CSRNP1: variants seen among roughly 807,000 people sequenced by gnomAD.
CSRNP1 encodes the protein cysteine/serine-rich nuclear protein 1.
Under a neutral mutation model 25.0 loss-of-function variants are expected in CSRNP1, and 8 were observed. The observed-to-expected ratio is 0.32, with a 90% CI of 0.19 to 0.58. The LOEUF is 0.58. CSRNP1 is among the 20% of genes least tolerant of loss of function. The pLI is 0.88. For synonymous variants in CSRNP1, 305 were observed against 303.1 expected (o/e 1.01, Z -0.06); for missense variants, 691 against 773.1 (o/e 0.89, Z 1.26).
chr3:39,153,427 T>C lies in CSRNP1; in HGVS notation c.-41+11A>G. On this transcript the variant is annotated intron_variant, in intron 1 of 4. Transcript: ENST00000273153. The stretch of plus-strand genomic sequence containing the variant: ...CCCGTCCTGCCGGGCCCGAGGCCCC[T>C]CGGCGCTCACCTGCAATCCGGACGC... 3.2e-6 allele frequency: 1 copy of C among 311,444 alleles called. No homozygotes were observed. Among genetic ancestry groups the C allele is most frequent in the South Asian group, 2.1e-5 (1 of 47,980 alleles). The allele number at this position is 311,444 out of a possible 1,614,324, so 19.3% of individuals were successfully genotyped here. A position where few individuals can be genotyped will look rare whatever the true frequency, so the allele number is the denominator to read the frequency against.
At chr3:39,147,933 C>G (rs1277622873) in intron 1 of CSRNP1, among the ~76,000 whole-genome samples, 1 of 152,140 alleles carries the variant, frequency 6.6e-6, no homozygotes, top group African/African-American at 2.4e-5. Context: ...ACCCTTCCCC[C>G]ACTGCCATCA....
intron 2 of CSRNP1, among the ~76,000 whole-genome samples, chr3:39,145,974 G>C (rs1188609657): frequency 6.6e-6 from 1 of 152,194 alleles, no homozygotes; most frequent in South Asian, 2.1e-4. Flanking sequence ...GAAAAATAAG[G>C]TCCAGAAACA....
intron 1 of CSRNP1, chr3:39,152,735 G>GGAAGGGGAGGAA (rs1476226132): frequency 6.5e-6 from 1 of 154,416 alleles, no homozygotes; most frequent in Non-Finnish European, 1.4e-5. Flanking sequence ...GAGAAACTGA[G>GGAAGGGGAGGAA]GAAGGGGAGG....
Position 39,146,675 on chromosome 3 carries a change from C to A in CSRNP1, c.8G>T (p.Gly3Val), listed in dbSNP as rs2039518428. 3 of 1,561,726 alleles carry A rather than the reference C, an allele frequency of 1.9e-6. No individual in the cohort carries two copies. Among genetic ancestry groups the A allele is most frequent in the African/African-American group, 1.4e-5 (1 of 73,350 alleles). MT[G>V]LLKRKFDQLD... is the part of the protein sequence containing the mutation. ...CTGGTCAAATTTCCTCTTCAACAGC[C>A]CAGTCATGGTGGTGCCGGACGTGCT... Residue 3 changes from glycine to valine, a missense_variant, in exon 2 of 5, where the codon GGG becomes GTG. By Grantham distance (109) the Gly-to-Val change is moderately radical (BLOSUM62 -3). Transcript: ENST00000273153.
intron 1 of CSRNP1, chr3:39,151,759 C>T (rs1229453904): frequency 6.6e-6 from 1 of 152,322 alleles, no homozygotes; most frequent in Non-Finnish European, 1.5e-5. Context: ...AGAGGGCAGA[C>T]CGAAAGCCTT....
At chr3:39,151,646 T>C (rs1300934174) in intron 1 of CSRNP1, 1 of 152,386 alleles carries the variant, frequency 6.6e-6, no homozygotes, top group Admixed American at 6.5e-5. Flanking sequence ...CCCAAAACAC[T>C]TGGGGTCACA....
At chr3:39,147,485 T>C (rs2039532067) in intron 1 of CSRNP1, among the ~76,000 whole-genome samples, 1 of 152,140 alleles carries the variant, frequency 6.6e-6, no homozygotes, top group Non-Finnish European at 1.5e-5. Context: ...TTCTCAGACT[T>C]TCCCTTAGAA....
chr3:39,146,339 C>G, intron 2 of CSRNP1, 139 bp downstream of exon 2: 1 of 1,087,266 alleles, frequency 9.2e-7, no homozygotes, highest in Non-Finnish European at 1.3e-6. Flanking sequence ...ACTGAGTGAC[C>G]ACTATATTAT....
Position 39,144,471 on chromosome 3 carries a change from G to A in CSRNP1, c.466-20C>T. On this transcript the variant is annotated intron_variant, in intron 3 of 4. Coordinates refer to ENST00000273153, the MANE Select transcript of CSRNP1 (RefSeq NM_033027.4). ...CGAAAGCTGCATCCACAGGAAAGAG[G>A]GATGTAAGAAGCACAGACATGGACA... 6.3e-7 allele frequency: 1 copy of A among 1,582,900 alleles called. No homozygotes were observed. Among genetic ancestry groups the A allele is most frequent in the Non-Finnish European group, 8.6e-7 (1 of 1,166,184 alleles).
Position 39,143,932 on chromosome 3 carries a change from G to A in CSRNP1, c.893C>T (p.Thr298Ile), listed in dbSNP as rs2039461182. 6.2e-7 allele frequency: 1 copy of A among 1,614,230 alleles called. No individual in the cohort carries two copies. Residue 298 changes from threonine (T) to isoleucine (I), a missense_variant, in exon 5 of 5, where the codon ACC becomes ATC. Transcript: ENST00000273153. ...RVQTHFIHTLTRLQLEQEAES... is the reference protein window; with the variant it reads ...RVQTHFIHTLIRLQLEQEAES... The stretch of plus-strand genomic sequence containing the variant: ...AGCCTCCTGTTCCAACTGCAGGCGG[G>A]TGAGTGTGTGGATGAAATGGGTCTG...
rs377548334 is a variant in CSRNP1, at chr3:39,143,328, C to G, written c.1497G>C (p.Leu499Phe). ...AGRSSSVDLS[L>F]SSCDSFELLQ... ...GTAACTCAAAGGAGTCACAAGAAGA[C>G]AAGCTGAGATCCACTGAGCTACTCC... is the stretch of plus-strand genomic sequence containing the variant. The change falls in exon 5 of 5, where the codon TTG becomes TTC. Residue 499 changes from leucine (L) to phenylalanine (F), a missense_variant. Transcript: ENST00000273153. 3 of 1,614,098 alleles carry G rather than the reference C, an allele frequency of 1.9e-6. No homozygotes were observed. The highest frequency in any genetic ancestry group is 2.5e-6 in the Non-Finnish European group (3 of 1,180,046).
intron 1 of CSRNP1, chr3:39,152,481 A>G (rs185078354): frequency 6.1e-4 from 94 of 153,354 alleles, no homozygotes; most frequent in Non-Finnish European, 8.8e-4. Flanking sequence ...GATGTGGAGA[A>G]GGAAGAGGGC....
chr3:39,144,948 A>G, intron 3 of CSRNP1, 49 bp downstream of exon 3: 1 of 1,523,236 alleles, frequency 6.6e-7, no homozygotes, highest in Non-Finnish European at 8.9e-7. Flanking sequence ...CAAGGTTAGG[A>G]CTCCAGGAGC....
In CSRNP1 at chr3:39,143,229, G is replaced by A. The variant is rs372252051; in HGVS notation, c.1596C>T (p.Ile532=). ...SQKVSDSLDN[I]EAPHFPLPGL... is the part of the protein sequence containing the mutation. ...CAGGCAGGGGGAAGTGAGGTGCCTC[G>A]ATGTTGTCCAGGCTGTCAGACACCT... Residue 532 remains isoleucine (I), a synonymous_variant, in exon 5 of 5, where the codon ATC becomes ATT. Coordinates refer to ENST00000273153, the MANE Select transcript of CSRNP1 (RefSeq NM_033027.4). The A allele has an allele frequency of 8.7e-6, 14 of 1,614,114 alleles. No individual in the cohort carries two copies. In the African/African-American group the frequency reaches 1.1e-4, roughly 12 times the overall value.
In CSRNP1 at chr3:39,146,496, C is replaced by T. The variant is rs766868456; in HGVS notation, c.187G>A (p.Gly63Ser). 8.4e-6 allele frequency: 13 copies of T among 1,546,366 alleles called. No homozygotes were observed. Among genetic ancestry groups the T allele is most frequent in the African/African-American group, 1.4e-5 (1 of 72,872 alleles). Residue 63 changes from glycine (G) to serine (S), a missense_variant, in exon 2 of 5, where the codon GGC becomes AGC. Physicochemically the swap from Gly to Ser is moderately conservative, Grantham distance 56. Transcript: ENST00000273153. Reference protein sequence around the residue: ...QMPLPDRDFCGPRSFTPLSIL... With the variant: ...QMPLPDRDFCSPRSFTPLSIL... ...TACTCACGGGTGAAACTTCTGGGGC[C>T]GCAGAAGTCACGGTCAGGCAGGGGC... is the stretch of plus-strand genomic sequence containing the variant.
intron 1 of CSRNP1, chr3:39,150,176 T>C (rs1382023307): frequency 6.6e-6 from 1 of 152,228 alleles, no homozygotes; most frequent in Non-Finnish European, 1.5e-5. Context: ...ATCTTTTGTT[T>C]AAGCAACCCA....
At position 39,145,189 on chromosome 3, in the gene CSRNP1, G is replaced by A; in HGVS notation, c.273C>T (p.Val91=). The A allele has an allele frequency of 1.2e-6, 2 of 1,614,192 alleles. No homozygotes were observed. Among genetic ancestry groups the A allele is most frequent in the Non-Finnish European group, 1.7e-6 (2 of 1,179,982 alleles). ...AGCCCTGGCAGCGGGGGAAGTAGAA[G>A]ACGGTGATCCCATCAAAGGCTACAC... ...PGRVAFDGIT[V]FYFPRCQGFT... Residue 91 remains valine, a synonymous_variant, in exon 3 of 5, where the codon GTC becomes GTT. Transcript: ENST00000273153.
chr3:39,146,121 G>A (rs1395401185), intron 2 of CSRNP1, among the ~76,000 whole-genome samples: 8 of 152,216 alleles, frequency 5.3e-5, no homozygotes, highest in South Asian at 4.1e-4. Context: ...GACAGGCCCC[G>A]TGGCAGAGAA....
At chr3:39,149,259 TAA>T (rs1476343783) in intron 1 of CSRNP1, 3 of 151,878 alleles carry the variant, frequency 2.0e-5, no homozygotes, top group Non-Finnish European at 4.4e-5. Flanking sequence ...TGTGATGATA[TAA>T]GTCAGAGCAG....
Sources: gnomAD v4.1 joint callset for allele counts (sites outside exome capture counted in the v4.1 genomes callset) on GRCh38, gnomAD v4.1.1 for gene constraint, MANE v1.5 for transcripts, NCBI Gene and HGNC (gene_info 2026-07-23, HGNC 2026-07-21) for gene names.